Variants in EEA1 observed in about 807,000 individuals in gnomAD.
EEA1 encodes the protein early endosome antigen 1, 162kD.
In EEA1, 111 loss-of-function variants were observed where a neutral mutation model predicts 209.2. The ratio of observed to expected loss-of-function variants is 0.53; its 90% confidence interval spans 0.45 to 0.62. The LOEUF (loss-of-function observed/expected upper bound fraction) is 0.62. Among genes scored for constraint, EEA1 ranks in the 20% least tolerant of loss-of-function variants. The pLI is 0.00. For synonymous variants in EEA1, 536 were observed against 540.6 expected (o/e 0.99, Z 0.12); for missense variants, 1,343 against 1,530.8 (o/e 0.88, Z 2.05).
intron 15 of EEA1, among the ~76,000 whole-genome samples, chr12:92,815,058 T>A (rs565823283): frequency 1.7e-4 from 26 of 152,310 alleles, no homozygotes; most frequent in South Asian, 1.2e-3. Flanking sequence ...AGGCCATACA[T>A]CCTACTTTAT....
chr12:92,838,863 G>T (rs988013968), intron 10 of EEA1, among the ~76,000 whole-genome samples: 4 of 152,034 alleles, frequency 2.6e-5, no homozygotes, highest in African/African-American at 9.7e-5. Flanking sequence ...TAATACAGTT[G>T]TCATGAAGAA....
intron 19 of EEA1, 44 bp from the exon 20 acceptor site, chr12:92,801,745 T>A: frequency 7.4e-7 from 1 of 1,357,610 alleles, no homozygotes; most frequent in South Asian, 1.5e-5. Context: ...ATATTTGTAA[T>A]AACCTTAAGA....
chr12:92,821,524 C>T (rs957319720), intron 13 of EEA1, among the ~76,000 whole-genome samples: 19 of 152,138 alleles, frequency 1.2e-4, no homozygotes, highest in African/African-American at 4.6e-4. Flanking sequence ...TGTAAAATCA[C>T]AAAGTAAAAT....
chr12:92,856,088 TA>T (rs1877867075), intron 5 of EEA1, among the ~76,000 whole-genome samples: 1 of 152,174 alleles, frequency 6.6e-6, no homozygotes, highest in African/African-American at 2.4e-5. Context: ...GCAAAGGCTT[TA>T]AAAAGCAAAC....
intron 9 of EEA1, among the ~76,000 whole-genome samples, chr12:92,843,482 CT>C (rs1011506002): frequency 1.3e-5 from 2 of 152,078 alleles, no homozygotes; most frequent in Admixed American, 6.5e-5. Flanking sequence ...GTGAAAATCA[CT>C]TTTTATTACT....
chr12:92,809,412 G>A (rs1046085877), intron 17 of EEA1, among the ~76,000 whole-genome samples: 1 of 151,382 alleles, frequency 6.6e-6, no homozygotes. Context: ...TGGGCTGGGC[G>A]CGGTGGCTCA....
chr12:92,787,186 GA>G (rs1291737905), intron 22 of EEA1, among the ~76,000 whole-genome samples: 1 of 152,042 alleles, frequency 6.6e-6, no homozygotes, highest in Non-Finnish European at 1.5e-5. Context: ...GAAAGAAACA[GA>G]TAAAGCATTT....
intron 2 of EEA1, among the ~76,000 whole-genome samples, chr12:92,886,393 GA>G (rs1295465371): frequency 2.0e-5 from 2 of 98,862 alleles, no homozygotes; most frequent in African/African-American, 8.1e-5. Flanking sequence ...GAGGAGAGGG[GA>G]GGGGAGGGGA....
At chr12:92,876,710 C>A (rs905528376) in intron 2 of EEA1, among the ~76,000 whole-genome samples, 6 of 151,386 alleles carry the variant, frequency 4.0e-5, no homozygotes, top group Admixed American at 4.0e-4. Context: ...TATGGAAAAG[C>A]CCAAGAAAAG....
At chr12:92,794,469 T>A (rs1032622343) in intron 21 of EEA1, among the ~76,000 whole-genome samples, 5 of 152,020 alleles carry the variant, frequency 3.3e-5, no homozygotes, top group Non-Finnish European at 7.4e-5. Context: ...AGCAAAGACT[T>A]GGAACCAACC....
At chr12:92,823,311 A>G (rs1048658828) in intron 13 of EEA1, among the ~76,000 whole-genome samples, 2 of 152,178 alleles carry the variant, frequency 1.3e-5, no homozygotes, top group Non-Finnish European at 2.9e-5. Context: ...AAACTTACCC[A>G]TATCTAATGC....
intron 22 of EEA1, among the ~76,000 whole-genome samples, chr12:92,783,182 T>C (rs1873983626): frequency 6.6e-6 from 1 of 152,172 alleles, no homozygotes; most frequent in African/African-American, 2.4e-5. Context: ...GGATTAATGA[T>C]TGGTGTTTGG....
intron 2 of EEA1, chr12:92,884,591 A>C: frequency 6.8e-7 from 1 of 1,464,674 alleles, no homozygotes; most frequent in Non-Finnish European, 9.4e-7. Flanking sequence ...CTTTGGAGGC[A>C]GAAGCCCTGG....
chr12:92,819,159 G>A lies in EEA1; in HGVS notation c.1728+149C>T, dbSNP rs1875930626. 8.7e-6 allele frequency: 5 copies of A among 575,622 alleles called. No homozygotes were observed. In the Admixed American group the frequency reaches 1.9e-4, roughly 21 times the overall value. 35.7% of individuals were successfully genotyped at this position (575,622 alleles called of 1,614,324 possible). ...ACTACAATAGTAACCTACCTCTTAA[G>A]GTACATGAGATGCTATTTGGCAAAA... On this transcript the variant is annotated intron_variant, in intron 14 of 28. Transcript: ENST00000322349.
intron 2 of EEA1, among the ~76,000 whole-genome samples, chr12:92,872,352 A>G (rs1468616524): frequency 6.6e-6 from 1 of 152,132 alleles, no homozygotes. Flanking sequence ...CCCAGCCGAG[A>G]TCAAGAAATT....
chr12:92,835,389 T>C (rs1230751113), intron 10 of EEA1: 17 of 347,464 alleles, frequency 4.9e-5, no homozygotes, highest in South Asian at 2.3e-4. Context: ...ACCCTTGAGA[T>C]AGTTTCACTC....
chr12:92,854,397 G>C (rs181289681), intron 5 of EEA1, among the ~76,000 whole-genome samples: 1 of 152,238 alleles, frequency 6.6e-6, no homozygotes, highest in East Asian at 1.9e-4. Flanking sequence ...GCTGTCATAA[G>C]AACTTGGAGT....
At chr12:92,807,268 A>G (rs1431296066) in intron 18 of EEA1, among the ~76,000 whole-genome samples, 1 of 151,830 alleles carries the variant, frequency 6.6e-6, no homozygotes, top group Non-Finnish European at 1.5e-5. Flanking sequence ...TTTTTTATAT[A>G]TAACTAGGTA....
At chr12:92,850,131 G>A (rs1357627384) in intron 9 of EEA1, among the ~76,000 whole-genome samples, 6 of 152,186 alleles carry the variant, frequency 3.9e-5, no homozygotes, top group East Asian at 3.8e-4. Flanking sequence ...GAATAAATAT[G>A]AGCAGTCTTC....
Sources: allele counts gnomAD v4.1 joint callset (sites outside exome capture counted in the v4.1 genomes callset), GRCh38; gene constraint gnomAD v4.1.1; transcripts MANE v1.5; gene names NCBI Gene and HGNC (gene_info 2026-07-23, HGNC 2026-07-21).